Variants in PRKCB observed in about 807,000 individuals in gnomAD.
The protein encoded by PRKCB is protein kinase C beta.
Under a neutral mutation model 81.5 loss-of-function variants are expected in PRKCB, and 13 were observed. The observed-to-expected ratio is 0.16, with a 90% CI of 0.10 to 0.25. The LOEUF is 0.25. PRKCB is among the 10% of genes least tolerant of loss of function. The pLI, the probability that PRKCB is intolerant of heterozygous loss-of-function variation, is 1.00. For missense variants in PRKCB, 509 were observed against 875.7 expected, an observed-to-expected ratio of 0.58 and a Z score of 5.29; for synonymous variants, 335 against 321.4, an observed-to-expected ratio of 1.04 and a Z score of -0.45.
In PRKCB at chr16:23,899,626, C is replaced by G. The variant is rs1195066148; in HGVS notation, c.205+62220C>G. Reference sequence around the variant, plus strand: ...GAACTCTCTCTCTCTCTCTCTCTCTCTCTCTCTCTCTCTCTCTCTGTGTGT... The same window carrying G: ...GAACTCTCTCTCTCTCTCTCTCTCTGTCTCTCTCTCTCTCTCTCTGTGTGT... On this transcript the variant is annotated intron_variant, in intron 2 of 16. Coordinates refer to ENST00000643927, the MANE Select transcript of PRKCB (RefSeq NM_002738.7). Among the ~76,000 whole-genome samples the G allele has an allele frequency of 8.8e-5, 3 of 33,968 alleles. 1 individual carries two copies. Among genetic ancestry groups the G allele is most frequent in the African/African-American group, 1.8e-4 (3 of 16,982 alleles). The allele number at this position is 33,968 out of a possible 152,430, so 22.3% of individuals were successfully genotyped here. A position where few individuals can be genotyped will look rare whatever the true frequency, so the allele number is the denominator to read the frequency against.
At chr16:24,167,199 T>C (rs1473854493) in intron 10 of PRKCB, among the ~76,000 whole-genome samples, 1 of 151,888 alleles carries the variant, frequency 6.6e-6, no homozygotes. Context: ...TCTGGCTTAC[T>C]GTCTGCATTT....
intron 2 of PRKCB, among the ~76,000 whole-genome samples, chr16:23,897,112 G>A (rs1963393100): frequency 6.6e-6 from 1 of 152,224 alleles, no homozygotes; most frequent in South Asian, 2.1e-4. Context: ...CTCCTGGAGA[G>A]TAGAGCCTAG....
chr16:23,969,433 T>C (rs1278558183), intron 2 of PRKCB, among the ~76,000 whole-genome samples: 1 of 152,202 alleles, frequency 6.6e-6, no homozygotes, highest in African/African-American at 2.4e-5. Context: ...GACTCACGCA[T>C]GCATGTGCCT....
chr16:23,959,632 A>G (rs1964396911), intron 2 of PRKCB, among the ~76,000 whole-genome samples: 1 of 152,210 alleles, frequency 6.6e-6, no homozygotes, highest in Admixed American at 6.5e-5. Flanking sequence ...ATTATCTTTT[A>G]TCCAGCTGGA....
intron 2 of PRKCB, among the ~76,000 whole-genome samples, chr16:23,882,007 T>TC (rs1963120859): frequency 9.3e-6 from 1 of 107,498 alleles, no homozygotes; most frequent in South Asian, 3.5e-4. Context: ...TCTTTCTTTC[T>TC]TTCTTTCTTT....
chr16:24,177,715 C>T (rs892039901), intron 12 of PRKCB, among the ~76,000 whole-genome samples: 2 of 152,100 alleles, frequency 1.3e-5, no homozygotes, highest in African/African-American at 2.4e-5. Context: ...ATTAGGGCTT[C>T]GTGGAACAAG....
intron 2 of PRKCB, among the ~76,000 whole-genome samples, chr16:23,847,551 A>T (rs12447841): frequency 0.047 from 3,219 of 68,302 alleles, 82 homozygotes; most frequent in African/African-American, 0.14. Context: ...CATCCATCCA[A>T]CCATCCATCC....
intron 8 of PRKCB, among the ~76,000 whole-genome samples, chr16:24,115,680 C>G (rs1297398432): frequency 1.3e-5 from 2 of 152,012 alleles, no homozygotes; most frequent in East Asian, 3.9e-4. Flanking sequence ...TAGCATTTAT[C>G]CCAAGAGCAT....
At chr16:24,017,892 A>AT (rs35809970) in intron 3 of PRKCB, among the ~76,000 whole-genome samples, 8,294 of 113,190 alleles carry the variant, frequency 0.073, 489 homozygotes, top group Non-Finnish European at 0.095. Context: ...ACCATAACTA[A>AT]TTTTTTTTTT....
chr16:24,148,138 A>G (rs1967022517), intron 9 of PRKCB, among the ~76,000 whole-genome samples: 1 of 152,210 alleles, frequency 6.6e-6, no homozygotes, highest in Non-Finnish European at 1.5e-5. Flanking sequence ...TTGTAGATCC[A>G]GATCGTTTAA....
Position 24,219,164 on chromosome 16 carries a change from G to T in PRKCB, c.*4348G>T, listed in dbSNP as rs544301722. The T allele has an allele frequency of 3.6e-4, 357 of 984,186 alleles. 1 individual carries two copies. In the African/African-American group the frequency reaches 5.9e-3, roughly 16 times the overall value. The allele number at this position is 984,186 out of a possible 1,614,324, so 61.0% of individuals were successfully genotyped here. A position where few individuals can be genotyped will look rare whatever the true frequency, so the allele number is the denominator to read the frequency against. On this transcript the variant is annotated 3_prime_UTR_variant, in exon 17 of 17. Coordinates refer to ENST00000643927, the MANE Select transcript of PRKCB (RefSeq NM_002738.7). ...GCCCCAAGCAATTGCTAGTAAATGG[G>T]GGTTAATTTCTTCTCCACCTCCCTA...
At chr16:24,032,325 C>A in intron 4 of PRKCB, 78 bp downstream of exon 4, 2 of 991,208 alleles carry the variant, frequency 2.0e-6, no homozygotes, top group East Asian at 2.6e-5. Flanking sequence ...GGTTTGGGGT[C>A]CAGGTCTGCC....
chr16:24,035,290 C>A, intron 4 of PRKCB, 129 bp from the exon 5 acceptor site: 1 of 1,262,872 alleles, frequency 7.9e-7, no homozygotes, highest in Non-Finnish European at 1.1e-6. Context: ...TGGTCTCAGC[C>A]AGGCTCGTGT....
At chr16:24,090,335 G>A (rs554708677) in intron 5 of PRKCB, among the ~76,000 whole-genome samples, 1 of 152,322 alleles carries the variant, frequency 6.6e-6, no homozygotes, top group Non-Finnish European at 1.5e-5. Flanking sequence ...CCGATTCAAT[G>A]CTTCTCCCAT....
At chr16:24,183,764 CAA>C (rs1022755728) in intron 13 of PRKCB, among the ~76,000 whole-genome samples, 3 of 152,212 alleles carry the variant, frequency 2.0e-5, no homozygotes, top group Non-Finnish European at 4.4e-5. Flanking sequence ...AGTCAGGATT[CAA>C]AGTCAGACTG....
chr16:24,017,718 C>T (rs1424705919), intron 3 of PRKCB, among the ~76,000 whole-genome samples: 2 of 151,910 alleles, frequency 1.3e-5, no homozygotes, highest in African/African-American at 4.8e-5. Flanking sequence ...TAACAGTGAA[C>T]ATTTCTTCTT....
chr16:24,080,677 A>G (rs898574654), intron 5 of PRKCB, among the ~76,000 whole-genome samples: 1 of 152,242 alleles, frequency 6.6e-6, no homozygotes, highest in Non-Finnish European at 1.5e-5. Context: ...AAGTAAAATC[A>G]TAAGAGTAGA....
In PRKCB at chr16:24,170,414, G is replaced by C. The variant is rs151193210; in HGVS notation, c.1240-1856G>C. 8.0e-3 allele frequency among the ~76,000 whole-genome samples: 1,224 copies of C among 152,206 alleles called. 15 individuals are homozygous for C. Among genetic ancestry groups the C allele is most frequent in the Middle Eastern group, 0.037 (11 of 294 alleles). On this transcript the variant is annotated intron_variant, in intron 10 of 16. Transcript: ENST00000643927. ...GACCTAATTTAGATTGGGTGGGTTA[G>C]AGGAAGTGACTTTTTTAGGCTGAGA...
At chr16:24,139,142 G>A (rs979069210) in intron 9 of PRKCB, among the ~76,000 whole-genome samples, 5 of 151,914 alleles carry the variant, frequency 3.3e-5, no homozygotes, top group Non-Finnish European at 5.9e-5. Context: ...GTGAGCCACC[G>A]TGCCTGGCCC....
Sources: allele counts gnomAD v4.1 joint callset (sites outside exome capture counted in the v4.1 genomes callset), GRCh38; gene constraint gnomAD v4.1.1; transcripts MANE v1.5; gene names NCBI Gene and HGNC (gene_info 2026-07-23, HGNC 2026-07-21).